The following CD8B2 variants were observed in gnomAD, a reference collection of about 807,000 sequenced individuals.
CD8B2 encodes T-cell surface glycoprotein CD8 beta-2 chain.
A neutral mutation model predicts 23.7 loss-of-function variants in CD8B2; 11 were observed. The ratio of observed to expected loss-of-function variants is 0.46; its 90% confidence interval spans 0.29 to 0.77. CD8B2 has a LOEUF of 0.77. CD8B2 is among the 30% of genes least tolerant of loss of function. CD8B2 has a pLI of 0.09. For synonymous variants in CD8B2, 90 were observed against 109.3 expected (o/e 0.82, Z 1.10); for missense variants, 197 against 270.5 (o/e 0.73, Z 1.91).
At chr2:106,516,691 T>C (rs1679734255) in intron 5 of CD8B2, among the ~76,000 whole-genome samples, 2 of 152,160 alleles carry the variant, frequency 1.3e-5, no homozygotes, top group South Asian at 4.1e-4. Context: ...TTTGCTTTGT[T>C]TGGGGTTTGG....
intron 2 of CD8B2, among the ~76,000 whole-genome samples, chr2:106,492,424 T>C (rs994816050): frequency 1.3e-5 from 2 of 152,012 alleles, no homozygotes; most frequent in African/African-American, 4.8e-5. Flanking sequence ...ATAAAAAGTA[T>C]TGCTGAAATA....
intron 5 of CD8B2, among the ~76,000 whole-genome samples, chr2:106,529,242 C>T (rs567794703): frequency 6.6e-6 from 1 of 152,190 alleles, no homozygotes; most frequent in Non-Finnish European, 1.5e-5. Context: ...ATAGAAGTGG[C>T]CGCAGGAAAG....
intron 5 of CD8B2, chr2:106,521,876 C>T (rs1473103215): frequency 6.6e-6 from 1 of 152,230 alleles, no homozygotes; most frequent in Non-Finnish European, 1.5e-5. Context: ...CCCTGGGGCT[C>T]CTGTGAAAAC....
At chr2:106,497,311 T>C (rs1679318337) in intron 3 of CD8B2, among the ~76,000 whole-genome samples, 2 of 152,188 alleles carry the variant, frequency 1.3e-5, no homozygotes, top group Admixed American at 1.3e-4. Flanking sequence ...ACAGAGGACC[T>C]AATACACAGT....
chr2:106,493,063 A>G (rs4366905), intron 2 of CD8B2, among the ~76,000 whole-genome samples: 1 of 152,030 alleles, frequency 6.6e-6, no homozygotes, highest in South Asian at 2.1e-4. Context: ...TCCTGACTTC[A>G]GTGTTTCCAA....
downstream of CD8B2, among the ~76,000 whole-genome samples, chr2:106,514,593 G>A (rs955258711): frequency 1.3e-5 from 2 of 151,536 alleles, no homozygotes; most frequent in Non-Finnish European, 2.9e-5. Context: ...GGCCTGGAAC[G>A]TCTGTCTTAT....
intron 2 of CD8B2, among the ~76,000 whole-genome samples, chr2:106,493,795 C>A (rs115372209): frequency 0.063 from 9,653 of 152,274 alleles, 324 homozygotes; most frequent in Middle Eastern, 0.13. Flanking sequence ...CAGATACTGG[C>A]TCTGCAGCCA....
At chr2:106,527,806 A>AAAAC (rs70953587) in intron 5 of CD8B2, among the ~76,000 whole-genome samples, 147,760 of 151,178 alleles carry the variant, frequency 0.98, 72,282 homozygotes, top group East Asian at 1. Flanking sequence ...AACAAAACAA[A>AAAAC]AAACAAACAA....
intron 5 of CD8B2, among the ~76,000 whole-genome samples, chr2:106,538,609 A>G (rs1173629769): frequency 6.6e-6 from 1 of 152,122 alleles, no homozygotes; most frequent in African/African-American, 2.4e-5. Flanking sequence ...CTGAGTAGGA[A>G]TTCCTGTCTG....
At chr2:106,539,505 T>C (rs2104577502) in intron 5 of CD8B2, among the ~76,000 whole-genome samples, 1 of 152,340 alleles carries the variant, frequency 6.6e-6, no homozygotes. Flanking sequence ...GCTCATCTTT[T>C]ATTCTGAAGA....
chr2:106,496,304 C>T (rs1679297989), intron 3 of CD8B2, 42 bp downstream of exon 3: 1 of 1,402,414 alleles, frequency 7.1e-7, no homozygotes, highest in Non-Finnish European at 9.7e-7. Flanking sequence ...ACAAGGCAGA[C>T]ATCCCCTTGC....
intron 5 of CD8B2, among the ~76,000 whole-genome samples, chr2:106,539,510 T>C (rs1680140825): frequency 6.6e-6 from 1 of 152,220 alleles, no homozygotes; most frequent in South Asian, 2.1e-4. Flanking sequence ...TCTTTTATTC[T>C]GAAGACAAAT....
In CD8B2 at chr2:106,523,587, G is replaced by A. The variant is rs182288191; in HGVS notation, c.620+19262G>A. 2.6e-5 allele frequency among the ~76,000 whole-genome samples: 4 copies of A among 152,296 alleles called. No homozygotes were observed. In the East Asian group the frequency reaches 5.8e-4, roughly 22 times the overall value. On this transcript the variant is annotated intron_variant, in intron 5 of 5. Transcript: ENST00000416057. Reference sequence around the variant, plus strand: ...TGGGGGGCAATGTTTGGCTTTCTAGGGTTGGTCCTACATTGAAAGTTGGTG... The same window carrying A: ...TGGGGGGCAATGTTTGGCTTTCTAGAGTTGGTCCTACATTGAAAGTTGGTG...
At chr2:106,512,304 TG>T (rs769668095), downstream of CD8B2, among the ~76,000 whole-genome samples, 40 of 152,218 alleles carry the variant, frequency 2.6e-4, no homozygotes, top group Non-Finnish European at 3.8e-4. Flanking sequence ...CTTGAACTCC[TG>T]GGCTCAAGCA....
intron 5 of CD8B2, among the ~76,000 whole-genome samples, chr2:106,521,174 G>A (rs1400058655): frequency 6.6e-6 from 1 of 152,078 alleles, no homozygotes; most frequent in African/African-American, 2.4e-5. Flanking sequence ...CAGATTGGTT[G>A]GACCAGGTGT....
chr2:106,501,584 A>G (rs1236268213), intron 3 of CD8B2, among the ~76,000 whole-genome samples: 1 of 152,206 alleles, frequency 6.6e-6, no homozygotes. Flanking sequence ...TGGGAGGCTG[A>G]GGCAGGAGAA....
rs1390956590 is a variant in CD8B2, at chr2:106,508,591, G to C, written c.*1651G>C. The C allele has an allele frequency of 6.6e-6, 1 of 152,188 alleles. No individual in the cohort carries two copies. Among genetic ancestry groups the C allele is most frequent in the Non-Finnish European group, 1.5e-5 (1 of 68,046 alleles). 9.4% of individuals were successfully genotyped at this position (152,188 alleles called of 1,614,324 possible). On this transcript the variant is annotated 3_prime_UTR_variant, in exon 6 of 6. Transcript: ENST00000643224. ...AGGAAGAATTTATTGAAGTGAGAAA[G>C]CACTCCACATGGTAGGAGTGGACCC...
At chr2:106,521,561 A>G (rs556036210) in intron 5 of CD8B2, 1 of 152,332 alleles carries the variant, frequency 6.6e-6, no homozygotes, top group South Asian at 2.1e-4. Context: ...TATCACTCCA[A>G]TCAGATAAAT....
chr2:106,538,305 C>A (rs1213192939), intron 5 of CD8B2, among the ~76,000 whole-genome samples: 1 of 152,138 alleles, frequency 6.6e-6, no homozygotes, highest in East Asian at 1.9e-4. Context: ...TGAGATGGAG[C>A]CTTCAGCCTA....
Sources: gnomAD v4.1 joint callset for allele counts (sites outside exome capture counted in the v4.1 genomes callset) on GRCh38, gnomAD v4.1.1 for gene constraint, MANE v1.5 for transcripts, NCBI Gene and HGNC (gene_info 2026-07-23, HGNC 2026-07-21) for gene names.